CATSPER2: variants seen among roughly 807,000 people sequenced by gnomAD.
CATSPER2 encodes the protein cation channel sperm-associated protein 2.
A neutral mutation model predicts 68.8 loss-of-function variants in CATSPER2; 56 were observed. That is an observed-to-expected ratio of 0.81 (90% CI 0.66 to 1.02). CATSPER2 has a LOEUF of 1.02. Among genes scored for constraint, CATSPER2 ranks in the 50% least tolerant of loss-of-function variants. The pLI is 0.00. For missense variants in CATSPER2, 582 were observed against 642.0 expected, an observed-to-expected ratio of 0.91 and a Z score of 1.01; for synonymous variants, 198 against 229.9, an observed-to-expected ratio of 0.86 and a Z score of 1.26.
rs976307263 is a variant in CATSPER2, at chr15:43,634,202, A to C, written c.1178+1158T>G. On this transcript the variant is annotated intron_variant, in intron 10 of 12. Coordinates refer to ENST00000396879, the MANE Select transcript of CATSPER2 (RefSeq NM_172095.4). ...CCAAGCACCTACTAAGTATTCAATA[A>C]TTATTTGTTCTTTATTGTTTTTTGT... 2.7e-4 allele frequency: 40 copies of C among 150,106 alleles called. 1 individual carries two copies. The highest frequency in any genetic ancestry group is 1.0e-3 in the African/African-American group (40 of 39,986). The allele number at this position is 150,106 out of a possible 1,614,324, so 9.3% of individuals were successfully genotyped here. A position where few individuals can be genotyped will look rare whatever the true frequency, so the allele number is the denominator to read the frequency against.
intron 2 of CATSPER2, 77 bp from the exon 3 acceptor site, chr15:43,647,544 G>T: frequency 7.2e-7 from 1 of 1,385,636 alleles, no homozygotes; most frequent in South Asian, 1.2e-5. Context: ...CAGGGATACT[G>T]GTCAGGTAAT....
Position 43,639,562 on chromosome 15 carries a change from G to A in CATSPER2, c.717+81C>T. The A allele has an allele frequency of 8.1e-6, 13 of 1,604,294 alleles. 1 individual carries two copies. The highest frequency in any genetic ancestry group is 7.7e-6 in the Non-Finnish European group (9 of 1,175,114). On this transcript the variant is annotated intron_variant, in intron 6 of 12. Transcript: ENST00000396879. ...TTACAGGCGTGAGCCACCGCACCCG[G>A]CCAATTTGTTTCATATTCTATGTTA... is the stretch of plus-strand genomic sequence containing the variant.
chr15:43,639,779 A>C lies in CATSPER2; in HGVS notation c.581T>G (p.Val194Gly), dbSNP rs753671742. 1.9e-5 allele frequency: 30 copies of C among 1,611,620 alleles called. No homozygotes were observed. Among genetic ancestry groups the C allele is most frequent in the African/African-American group, 2.7e-5 (2 of 74,632 alleles). ...VTMLSLLPEVVVLVGVTGQSV... is the reference protein window; with the variant it reads ...VTMLSLLPEVGVLVGVTGQSV... ...TTGGCCTGTTACCCCTACCAATACC[A>C]CAACCTCGGGAAGCAGGGACTGTGG... Residue 194 changes from valine to glycine, a missense_variant, in exon 6 of 13, where the codon GTG (valine) becomes GGG (glycine). By Grantham distance (109) the Val-to-Gly change is moderately radical. Around this residue, in one of 5 missense-constraint regions of CATSPER2, gnomAD observed 45 missense variants for 80.2 expected, o/e 0.56. Coordinates refer to ENST00000396879, the MANE Select transcript of CATSPER2 (RefSeq NM_172095.4).
intron 4 of CATSPER2, among the ~76,000 whole-genome samples, chr15:43,644,214 T>G (rs2086121232): frequency 6.6e-6 from 1 of 151,992 alleles, no homozygotes; most frequent in African/African-American, 2.4e-5. Context: ...GAAAAAAAAT[T>G]TTTTAAGCCT....
chr15:43,633,288 ATC>A (rs1246933878), intron 10 of CATSPER2: 1 of 331,498 alleles, frequency 3.0e-6, no homozygotes, highest in Admixed American at 4.4e-5. Context: ...TTGTTCTTCT[ATC>A]AACACAGCAA....
At chr15:43,645,444 C>G (rs1392767668) in intron 4 of CATSPER2, among the ~76,000 whole-genome samples, 3 of 151,824 alleles carry the variant, frequency 2.0e-5, no homozygotes, top group African/African-American at 7.3e-5. Flanking sequence ...AGGAAAATAT[C>G]TGTGTGAAAT....
In CATSPER2 at chr15:43,648,159, C is replaced by T. The variant is rs7162321; in HGVS notation, c.-2-96G>A. On this transcript the variant is annotated intron_variant, in intron 1 of 12. Coordinates refer to ENST00000396879, the MANE Select transcript of CATSPER2 (RefSeq NM_172095.4). ...TCCCCTCCTCCCCACCCTCTTTACC[C>T]TTAAGATTCCTTAATGTACCCACAT... 5.8e-6 allele frequency: 8 copies of T among 1,370,168 alleles called. No homozygotes were observed. In the Admixed American group the frequency reaches 1.3e-4, roughly 23 times the overall value. The allele number at this position is 1,370,168 out of a possible 1,614,324, so 84.9% of individuals were successfully genotyped here.
At chr15:43,635,075 T>A (rs1402251861) in intron 10 of CATSPER2, 2 of 477,706 alleles carry the variant, frequency 4.2e-6, no homozygotes, top group Non-Finnish European at 7.9e-6. Context: ...TTTCATCTTT[T>A]ATAAGGACCC....
Position 43,639,043 on chromosome 15 carries a change from T to A in CATSPER2, c.718-15A>T, listed in dbSNP as rs2086020877. The A allele has an allele frequency of 6.2e-7, 1 of 1,611,138 alleles. No individual in the cohort carries two copies. The highest frequency in any genetic ancestry group is 1.7e-5 in the Admixed American group (1 of 59,802). Reference sequence around the variant, plus strand: ...AAGGTCATGCTCTAGAGGCCATAACTCTCATGTCAGATGTGGGCCAAACTA... The same window carrying A: ...AAGGTCATGCTCTAGAGGCCATAACACTCATGTCAGATGTGGGCCAAACTA... On this transcript the variant is annotated splice_polypyrimidine_tract_variant and intron_variant, in intron 6 of 12. Transcript: ENST00000396879.
rs1244484991 is a variant in CATSPER2, at chr15:43,635,024, G to A, written c.1178+336C>T. 6.4e-5 allele frequency: 22 copies of A among 345,128 alleles called. No individual in the cohort carries two copies. The East Asian group carries it at 1.4e-3, about 23-fold the overall frequency. The allele number at this position is 345,128 out of a possible 1,614,324, so 21.4% of individuals were successfully genotyped here. On this transcript the variant is annotated intron_variant, in intron 10 of 12. Coordinates refer to ENST00000396879, the MANE Select transcript of CATSPER2 (RefSeq NM_172095.4). Reference sequence around the variant, plus strand: ...GGCATTAGCCCCAACCTCTATCTCCGTCTTCACATCGCCTTCTCCTATTCT... The same window carrying A: ...GGCATTAGCCCCAACCTCTATCTCCATCTTCACATCGCCTTCTCCTATTCT...
chr15:43,645,697 G>A (rs1322625858), intron 4 of CATSPER2, among the ~76,000 whole-genome samples: 1 of 151,784 alleles, frequency 6.6e-6, no homozygotes, highest in African/African-American at 2.4e-5. Context: ...GGAGGCCGAG[G>A]TGGGAGGATC....
At position 43,648,158 on chromosome 15, in the gene CATSPER2, C is replaced by G. The variant is rs2141587197; in HGVS notation, c.-2-95G>C. 2.2e-6 allele frequency: 3 copies of G among 1,377,472 alleles called. 1 individual carries two copies. Among genetic ancestry groups the G allele is most frequent in the South Asian group, 2.3e-5 (2 of 85,620 alleles). 85.3% of individuals were successfully genotyped at this position (1,377,472 alleles called of 1,614,324 possible). On this transcript the variant is annotated intron_variant, in intron 1 of 12. Transcript: ENST00000396879. ...GTCCCCTCCTCCCCACCCTCTTTAC[C>G]CTTAAGATTCCTTAATGTACCCACA...
intron 2 of CATSPER2, 79 bp downstream of exon 2, chr15:43,647,838 C>G: frequency 1.3e-6 from 2 of 1,518,624 alleles, no homozygotes; most frequent in South Asian, 1.1e-5. Context: ...CTAAACCTCC[C>G]CAGAATTTTC....
intron 4 of CATSPER2, among the ~76,000 whole-genome samples, chr15:43,645,242 G>A (rs1473928333): frequency 2.6e-5 from 4 of 151,606 alleles, no homozygotes; most frequent in Admixed American, 2.6e-4. Flanking sequence ...TTTTTGTAGA[G>A]ATGAGGTTTC....
At chr15:43,648,315 C>T (rs530551547) in intron 1 of CATSPER2, among the ~76,000 whole-genome samples, 1 of 152,004 alleles carries the variant, frequency 6.6e-6, no homozygotes, top group African/African-American at 2.4e-5. Context: ...TTTGTGATGG[C>T]ATTTCTAATT....
chr15:43,636,639 T>A (rs531229202), intron 7 of CATSPER2, among the ~76,000 whole-genome samples: 1 of 151,180 alleles, frequency 6.6e-6, no homozygotes, highest in Non-Finnish European at 1.5e-5. Flanking sequence ...GATCTGCCAG[T>A]CTCAGCCTCC....
At chr15:43,648,471 T>G (rs2447213) in intron 1 of CATSPER2, among the ~76,000 whole-genome samples, 158 bp downstream of exon 1, 35,715 of 151,572 alleles carry the variant, frequency 0.24, 6,179 homozygotes, top group African/African-American at 0.47. Context: ...TTGGGGGAGG[T>G]CTTGGCCTGC....
In CATSPER2 at chr15:43,635,954, T is replaced by C; in HGVS notation, c.1021+87A>G. The C allele has an allele frequency of 3.3e-6, 4 of 1,214,334 alleles. No homozygotes were observed. In the South Asian group the frequency reaches 5.2e-5, roughly 16 times the overall value. 75.2% of individuals were successfully genotyped at this position (1,214,334 alleles called of 1,614,324 possible). A position where few individuals can be genotyped will look rare whatever the true frequency, so the allele number is the denominator to read the frequency against. ...AGCCTTCCTGCTACACTAGGTTCTT[T>C]ATACCCATAAGCCACCAATCCCAGC... is the stretch of plus-strand genomic sequence containing the variant. On this transcript the variant is annotated intron_variant, in intron 8 of 12. Coordinates refer to ENST00000396879, the MANE Select transcript of CATSPER2 (RefSeq NM_172095.4).
intron 4 of CATSPER2, among the ~76,000 whole-genome samples, chr15:43,641,108 GTTT>G (rs199904316): frequency 0.01 from 1,379 of 136,424 alleles, 29 homozygotes; most frequent in African/African-American, 0.043. Context: ...GTTTTGTTTT[GTTT>G]TTTGTTTTTT....
Sources: gnomAD v4.1 joint callset for allele counts (sites outside exome capture counted in the v4.1 genomes callset) on GRCh38, gnomAD v4.1.1 for gene constraint, gnomAD v4.1.1 regional missense constraint, MANE v1.5 for transcripts, NCBI Gene and HGNC (gene_info 2026-07-23, HGNC 2026-07-21) for gene names.